Variants in COLEC11 observed in about 807,000 individuals in gnomAD.
COLEC11 encodes the protein collectin-11.
In COLEC11, 20 loss-of-function variants were observed where a neutral mutation model predicts 27.3. The observed-to-expected ratio is 0.73, with a 90% CI of 0.51 to 1.06. The LOEUF is 1.06. Ranked by LOEUF, COLEC11 falls within the 50% of genes least tolerant of loss-of-function variation. The probability of loss-of-function intolerance (pLI) is 0.00; values close to 1 mark genes in which losing one functional copy is unlikely to be tolerated. For missense variants in COLEC11, 310 were observed against 383.0 expected, an observed-to-expected ratio of 0.81 and a Z score of 1.59; for synonymous variants, 163 against 154.7, an observed-to-expected ratio of 1.05 and a Z score of -0.40.
intron 3 of COLEC11, 115 bp from the exon 4 acceptor site, chr2:3,637,418 T>A (rs1665504129): frequency 8.9e-6 from 7 of 783,782 alleles, no homozygotes; most frequent in Admixed American, 7.6e-5. Context: ...TAGTCTCTTC[T>A]ATGTGCCTGT....
intron 5 of COLEC11, among the ~76,000 whole-genome samples, chr2:3,642,888 C>T (rs146932220): frequency 6.6e-6 from 1 of 152,336 alleles, no homozygotes; most frequent in East Asian, 1.9e-4. Flanking sequence ...CCTGTGTGTG[C>T]CCACGATGCC....
chr2:3,634,598 C>T (rs766094618), intron 3 of COLEC11, among the ~76,000 whole-genome samples: 3 of 152,210 alleles, frequency 2.0e-5, no homozygotes, highest in Non-Finnish European at 4.4e-5. Context: ...CCTTCTCTCT[C>T]CCTGCTGTGG....
At chr2:3,632,217 A>G (rs1015659007) in intron 3 of COLEC11, among the ~76,000 whole-genome samples, 3 of 152,204 alleles carry the variant, frequency 2.0e-5, no homozygotes, top group Non-Finnish European at 2.9e-5. Flanking sequence ...GGCCTGTCTG[A>G]TGGCAGAGGC....
At chr2:3,638,290 C>A (rs985095369) in intron 4 of COLEC11, among the ~76,000 whole-genome samples, 1 of 152,308 alleles carries the variant, frequency 6.6e-6, no homozygotes, top group East Asian at 1.9e-4. Flanking sequence ...GTCTTTGGAG[C>A]GCCTGGCTTG....
chr2:3,605,945 A>G, intron 2 of COLEC11: 2 of 988,218 alleles, frequency 2.0e-6, no homozygotes, highest in Admixed American at 5.0e-5. Context: ...TGCAGCCCAG[A>G]CAAGCCCAGT....
intron 3 of COLEC11, among the ~76,000 whole-genome samples, chr2:3,631,976 C>T (rs1438652258): frequency 6.6e-6 from 1 of 152,188 alleles, no homozygotes; most frequent in Admixed American, 6.5e-5. Context: ...AGGCTGGGGC[C>T]TACCCACAGT....
chr2:3,615,694 T>G lies in COLEC11; in HGVS notation c.202+2312T>G, dbSNP rs545385396. Among the ~76,000 whole-genome samples the G allele has an allele frequency of 5.0e-4, 76 of 152,008 alleles. 2 individuals carry two copies. Among genetic ancestry groups the G allele is most frequent in the Admixed American group, 3.8e-3 (58 of 15,278 alleles). ...GGTGGCGGCCGGGCAGAGGGGCTCC[T>G]CACTTCCCAGAAGGGGGCGGCTGGG... On this transcript the variant is annotated intron_variant, in intron 3 of 6. Transcript: ENST00000349077.
At chr2:3,611,304 C>T (rs948285519) in intron 2 of COLEC11, among the ~76,000 whole-genome samples, 4 of 152,366 alleles carry the variant, frequency 2.6e-5, no homozygotes, top group South Asian at 4.1e-4. Flanking sequence ...ACCGGGGACT[C>T]GCCTTTCTGC....
intron 3 of COLEC11, among the ~76,000 whole-genome samples, chr2:3,636,843 T>C (rs1665449799): frequency 2.0e-5 from 3 of 152,096 alleles, no homozygotes; most frequent in South Asian, 4.2e-4. Flanking sequence ...AGAGAGACAA[T>C]CCCGTGGGAT....
At chr2:3,617,388 G>A (rs1343209230) in intron 3 of COLEC11, among the ~76,000 whole-genome samples, 4 of 152,112 alleles carry the variant, frequency 2.6e-5, no homozygotes, top group African/African-American at 7.2e-5. Context: ...AGACAGGCGC[G>A]GCCTTCGTTG....
At chr2:3,623,670 C>T (rs1160559463) in intron 3 of COLEC11, among the ~76,000 whole-genome samples, 1 of 151,834 alleles carries the variant, frequency 6.6e-6, no homozygotes, top group Non-Finnish European at 1.5e-5. Flanking sequence ...AAAAAAATCT[C>T]TATCTCTTCA....
chr2:3,617,059 G>A (rs539332571), intron 3 of COLEC11, among the ~76,000 whole-genome samples: 3 of 152,184 alleles, frequency 2.0e-5, no homozygotes, highest in African/African-American at 7.2e-5. Flanking sequence ...TTCAAGATCC[G>A]ATTTCATTCC....
At position 3,643,639 on chromosome 2, in the gene COLEC11, C is replaced by T. The variant is rs371026043; in HGVS notation, c.425-88C>T. On this transcript the variant is annotated intron_variant, in intron 6 of 6. Transcript: ENST00000349077. The stretch of plus-strand genomic sequence containing the variant: ...GCCGTGCCCACGCCTGCCCTGCCTG[C>T]CCTGCCGGCCCCTGCTGCCTGTGGC... 1.4e-4 allele frequency: 221 copies of T among 1,603,252 alleles called. 1 individual carries two copies. The East Asian group carries it at 4.2e-3, about 31-fold the overall frequency.
At chr2:3,642,348 A>G (rs989525439) in intron 5 of COLEC11, among the ~76,000 whole-genome samples, 1 of 152,128 alleles carries the variant, frequency 6.6e-6, no homozygotes, top group Non-Finnish European at 1.5e-5. Flanking sequence ...GAATGAGCTC[A>G]TTGAGAATGA....
At chr2:3,639,097 A>T (rs1346741978) in intron 4 of COLEC11, among the ~76,000 whole-genome samples, 1 of 152,190 alleles carries the variant, frequency 6.6e-6, no homozygotes, top group Non-Finnish European at 1.5e-5. Flanking sequence ...CACTTGGTGT[A>T]GTGTTTTCAG....
rs60222284 is a variant in COLEC11 at position 3,625,625 on chromosome 2, C to CTT, written c.203-11890_203-11889dup. On this transcript the variant is annotated intron_variant, in intron 3 of 6. Coordinates refer to ENST00000349077, the MANE Select transcript of COLEC11 (RefSeq NM_024027.5). The stretch of plus-strand genomic sequence containing the variant: ...GGAAAGTTTCTTTTCTTCTTTTTTA[C>CTT]TTTTTTTTTTTTTTTTTTTGAGACA... 1.5e-4 allele frequency among the ~76,000 whole-genome samples: 14 copies of CTT among 91,458 alleles called. 1 individual carries two copies. Among genetic ancestry groups the CTT allele is most frequent in the Admixed American group, 4.3e-4 (3 of 6,908 alleles). 60.0% of individuals were successfully genotyped at this position (91,458 alleles called of 152,430 possible).
At chr2:3,599,587 C>T (rs997215239) in intron 1 of COLEC11, among the ~76,000 whole-genome samples, 2 of 152,204 alleles carry the variant, frequency 1.3e-5, no homozygotes, top group Non-Finnish European at 2.9e-5. Flanking sequence ...TAGCCTATCT[C>T]CATATTAAGA....
chr2:3,598,647 A>G (rs1255723380), intron 1 of COLEC11, among the ~76,000 whole-genome samples: 1 of 151,442 alleles, frequency 6.6e-6, no homozygotes, highest in Non-Finnish European at 1.5e-5. Context: ...CCGCGTGAGC[A>G]CAGGGGAGAA....
intron 2 of COLEC11, chr2:3,606,131 G>C (rs1485792240): frequency 1.2e-5 from 18 of 1,550,492 alleles, no homozygotes; most frequent in Non-Finnish European, 1.5e-5. Flanking sequence ...TTCAGCTTTA[G>C]GTTGGAAACG....
Sources: allele counts gnomAD v4.1 joint callset (sites outside exome capture counted in the v4.1 genomes callset), GRCh38; gene constraint gnomAD v4.1.1; transcripts MANE v1.5; gene names NCBI Gene and HGNC (gene_info 2026-07-23, HGNC 2026-07-21).